Variants in CNTNAP5 observed in about 807,000 individuals in gnomAD.
CNTNAP5 encodes the protein contactin associated protein family member 5.
CNTNAP5 carries 72 observed loss-of-function variants against 150.2 expected under a neutral mutation model. That is an observed-to-expected ratio of 0.48 (90% CI 0.40 to 0.58). The LOEUF is 0.58. Among genes scored for constraint, CNTNAP5 ranks in the 20% least tolerant of loss-of-function variants. The probability of loss-of-function intolerance (pLI) is 0.00; values close to 1 mark genes in which losing one functional copy is unlikely to be tolerated. For synonymous variants in CNTNAP5, 672 were observed against 619.8 expected, an observed-to-expected ratio of 1.08 and a Z score of -1.25; for missense variants, 1,636 against 1,626.2, an observed-to-expected ratio of 1.01 and a Z score of -0.10.
chr2:124,755,990 AATATCT>A (rs1285033342), intron 14 of CNTNAP5, among the ~76,000 whole-genome samples: 1 of 152,032 alleles, frequency 6.6e-6, no homozygotes, highest in Non-Finnish European at 1.5e-5. Flanking sequence ...AAAGTGGGGG[AATATCT>A]ATCTCTGGGA....
At chr2:124,534,347 C>T (rs1390663448) in intron 10 of CNTNAP5, among the ~76,000 whole-genome samples, 5 of 152,130 alleles carry the variant, frequency 3.3e-5, no homozygotes, top group Non-Finnish European at 7.3e-5. Context: ...ATGGCTACTC[C>T]ACAGGCAGAG....
At chr2:124,759,924 C>A (rs1478451619) in intron 14 of CNTNAP5, among the ~76,000 whole-genome samples, 2 of 139,944 alleles carry the variant, frequency 1.4e-5, no homozygotes, top group African/African-American at 5.2e-5. Flanking sequence ...TTCTTGTTAC[C>A]TAAACTCCTC....
intron 4 of CNTNAP5, among the ~76,000 whole-genome samples, chr2:124,418,456 A>G (rs909510694): frequency 6.6e-6 from 1 of 152,192 alleles, no homozygotes; most frequent in African/African-American, 2.4e-5. Context: ...AGTGTTGCCT[A>G]GAAAATGCAT....
chr2:124,337,097 G>A (rs1397384268), intron 3 of CNTNAP5, among the ~76,000 whole-genome samples: 3 of 152,094 alleles, frequency 2.0e-5, no homozygotes, highest in African/African-American at 7.2e-5. Flanking sequence ...TCTCATTGTG[G>A]TTTTGATTTG....
intron 17 of CNTNAP5, among the ~76,000 whole-genome samples, chr2:124,781,624 C>G (rs568317796): frequency 6.6e-6 from 1 of 152,120 alleles, no homozygotes; most frequent in South Asian, 2.1e-4. Context: ...GACCATCCTT[C>G]CAGATCTTGC....
chr2:124,182,055 A>G (rs1235570942), intron 1 of CNTNAP5, among the ~76,000 whole-genome samples: 2 of 152,134 alleles, frequency 1.3e-5, no homozygotes, highest in African/African-American at 4.8e-5. Context: ...TTTTGTTTTG[A>G]CTCATACAAG....
At chr2:124,621,719 T>C (rs1371339301) in intron 12 of CNTNAP5, among the ~76,000 whole-genome samples, 1 of 152,196 alleles carries the variant, frequency 6.6e-6, no homozygotes, top group Non-Finnish European at 1.5e-5. Flanking sequence ...ACCTGTGGGC[T>C]GCACCCAGGT....
chr2:124,694,950 G>C, intron 13 of CNTNAP5, among the ~76,000 whole-genome samples: 1 of 152,050 alleles, frequency 6.6e-6, no homozygotes, highest in East Asian at 1.9e-4. Flanking sequence ...CTTCTTTGGC[G>C]AGTCAAATAA....
intron 16 of CNTNAP5, among the ~76,000 whole-genome samples, chr2:124,764,476 A>G (rs1681026552): frequency 6.6e-6 from 1 of 152,186 alleles, no homozygotes; most frequent in African/African-American, 2.4e-5. Flanking sequence ...TGCAAAGCTG[A>G]AAAGAGGATT....
chr2:124,300,123 C>T (rs1008087494), intron 3 of CNTNAP5, among the ~76,000 whole-genome samples: 1 of 152,184 alleles, frequency 6.6e-6, no homozygotes, highest in Non-Finnish European at 1.5e-5. Context: ...TTAATTTCAA[C>T]TGTTTCTTAG....
At chr2:124,817,344 G>A (rs1276321008) in intron 19 of CNTNAP5, among the ~76,000 whole-genome samples, 1 of 152,054 alleles carries the variant, frequency 6.6e-6, no homozygotes, top group Non-Finnish European at 1.5e-5. Flanking sequence ...AGCATATGGA[G>A]CATGGAGTAT....
At chr2:124,157,700 T>C (rs1684578647) in intron 1 of CNTNAP5, among the ~76,000 whole-genome samples, 1 of 152,168 alleles carries the variant, frequency 6.6e-6, no homozygotes, top group Non-Finnish European at 1.5e-5. Context: ...AGGGCATCTA[T>C]AGGAGGTGCA....
At chr2:124,790,798 GA>G (rs1272645190) in intron 18 of CNTNAP5, among the ~76,000 whole-genome samples, 72 of 152,030 alleles carry the variant, frequency 4.7e-4, no homozygotes, top group African/African-American at 1.6e-3. Context: ...AATAATCACG[GA>G]TATACACCTT....
intron 1 of CNTNAP5, among the ~76,000 whole-genome samples, chr2:124,079,497 T>G (rs1682510984): frequency 7.4e-6 from 1 of 134,488 alleles, no homozygotes; most frequent in Non-Finnish European, 1.7e-5. Flanking sequence ...TTTTTATCTA[T>G]CTGAACCCCT....
intron 10 of CNTNAP5, among the ~76,000 whole-genome samples, chr2:124,528,904 T>A (rs542388131): frequency 1.3e-5 from 2 of 152,292 alleles, no homozygotes; most frequent in East Asian, 3.9e-4. Context: ...GTGCCTCTAC[T>A]GAGGGGCACA....
chr2:124,546,838 C>T (rs1054906700), intron 10 of CNTNAP5, among the ~76,000 whole-genome samples: 4 of 152,130 alleles, frequency 2.6e-5, no homozygotes, highest in African/African-American at 9.7e-5. Flanking sequence ...GACCACTTGA[C>T]TTGTGAGCCT....
intron 10 of CNTNAP5, among the ~76,000 whole-genome samples, chr2:124,537,981 C>T (rs1695279520): frequency 6.6e-6 from 1 of 152,168 alleles, no homozygotes; most frequent in Admixed American, 6.5e-5. Flanking sequence ...TCCCCACCAA[C>T]TGGTAATCTG....
chr2:124,863,422 A>G (rs762052015), intron 19 of CNTNAP5, among the ~76,000 whole-genome samples: 15 of 152,178 alleles, frequency 9.9e-5, no homozygotes, highest in Non-Finnish European at 2.1e-4. Context: ...GGGAGCAGCC[A>G]TTACTTTTTA....
intron 2 of CNTNAP5, among the ~76,000 whole-genome samples, chr2:124,235,484 C>T (rs1017503443): frequency 6.6e-6 from 1 of 150,404 alleles, no homozygotes; most frequent in Non-Finnish European, 1.5e-5. Context: ...AATACCTGAC[C>T]AAGTTGGTGT....
Sources: allele counts gnomAD v4.1 joint callset (sites outside exome capture counted in the v4.1 genomes callset), GRCh38; gene constraint gnomAD v4.1.1; transcripts MANE v1.5; gene names NCBI Gene and HGNC (gene_info 2026-07-23, HGNC 2026-07-21).